SESTD1: variants seen among roughly 807,000 people sequenced by gnomAD.
The protein encoded by SESTD1 is SEC14 domain and spectrin repeat-containing protein 1.
In SESTD1, 43 loss-of-function variants were observed where a neutral mutation model predicts 101.7. The ratio of observed to expected loss-of-function variants is 0.42; its 90% confidence interval spans 0.33 to 0.55. SESTD1 has a LOEUF of 0.55. SESTD1 is among the 20% of genes least tolerant of loss of function. The probability of loss-of-function intolerance (pLI) is 0.07; values close to 1 mark genes in which losing one functional copy is unlikely to be tolerated. For synonymous variants in SESTD1, 283 were observed against 286.8 expected (o/e 0.99, Z 0.13); for missense variants, 647 against 815.1 (o/e 0.79, Z 2.51).
chr2:179,208,514 C>G (rs142210883), intron 1 of SESTD1, among the ~76,000 whole-genome samples: 1,635 of 135,258 alleles, frequency 0.012, 423 homozygotes, highest in African/African-American at 0.044. Flanking sequence ...ATCAGATTAA[C>G]AGCAGATTTC....
intron 4 of SESTD1, among the ~76,000 whole-genome samples, chr2:179,174,717 T>C (rs1178323132): frequency 3.9e-5 from 6 of 152,068 alleles, no homozygotes; most frequent in Non-Finnish European, 8.8e-5. Flanking sequence ...TCTCAGCGAT[T>C]TGGGAGGCTG....
chr2:179,130,713 A>G (rs1327098691), intron 10 of SESTD1, among the ~76,000 whole-genome samples: 2 of 152,084 alleles, frequency 1.3e-5, no homozygotes, highest in African/African-American at 2.4e-5. Context: ...GAATACTTTC[A>G]TAACTAAATC....
intron 3 of SESTD1, among the ~76,000 whole-genome samples, chr2:179,181,295 T>A (rs2046104602): frequency 6.6e-6 from 1 of 152,186 alleles, no homozygotes; most frequent in Non-Finnish European, 1.5e-5. Flanking sequence ...GAGCATCCTG[T>A]TGAACTGAAT....
intron 1 of SESTD1, among the ~76,000 whole-genome samples, chr2:179,208,012 TAGATA>T: frequency 7.5e-6 from 1 of 133,068 alleles, no homozygotes; most frequent in South Asian, 2.9e-4. Flanking sequence ...TCCAGAGAAA[TAGATA>T]TCATAAAGAA....
chr2:179,220,566 T>C (rs2046801227), intron 1 of SESTD1, among the ~76,000 whole-genome samples: 1 of 152,168 alleles, frequency 6.6e-6, no homozygotes. Flanking sequence ...ATCTAAGCCT[T>C]GTGTTGAGCT....
At chr2:179,170,951 A>G (rs2045920338) in intron 5 of SESTD1, among the ~76,000 whole-genome samples, 1 of 152,208 alleles carries the variant, frequency 6.6e-6, no homozygotes, top group African/African-American at 2.4e-5. Context: ...TATTCTTTAT[A>G]TAAAGCCAGT....
Position 179,211,852 on chromosome 2 carries a change from C to T in SESTD1, c.-25-19986G>A, listed in dbSNP as rs1311672517. 2.3e-5 allele frequency among the ~76,000 whole-genome samples: 3 copies of T among 129,026 alleles called. 1 individual carries two copies. The East Asian group carries it at 6.2e-4, about 27-fold the overall frequency. 84.6% of individuals were successfully genotyped at this position (129,026 alleles called of 152,430 possible). A position where few individuals can be genotyped will look rare whatever the true frequency, so the allele number is the denominator to read the frequency against. ...AATGATATAATGGACTCTGGGGACT[C>T]AGGGGGAAGGGTGGGAGGGGGATGA... On this transcript the variant is annotated intron_variant, in intron 1 of 17. Transcript: ENST00000428443.
rs1383268209 is a variant in SESTD1, at chr2:179,109,742, AG to A, written c.*156del. 4.9e-6 allele frequency: 4 copies of A among 817,246 alleles called. No homozygotes were observed. The Admixed American group carries it at 8.0e-5, about 16-fold the overall frequency. The allele number at this position is 817,246 out of a possible 1,614,324, so 50.6% of individuals were successfully genotyped here. A position where few individuals can be genotyped will look rare whatever the true frequency, so the allele number is the denominator to read the frequency against. ...GCATGTTAAGTAATTATGCCTTGGT[AG>A]TAGCAAGGTGTTAACATGTAAAGAG... is the stretch of plus-strand genomic sequence containing the variant. On this transcript the variant is annotated 3_prime_UTR_variant, in exon 18 of 18. Coordinates refer to ENST00000428443, the MANE Select transcript of SESTD1 (RefSeq NM_178123.5).
At chr2:179,259,908 C>T (rs1478258254) in intron 1 of SESTD1, among the ~76,000 whole-genome samples, 1 of 152,150 alleles carries the variant, frequency 6.6e-6, no homozygotes, top group Non-Finnish European at 1.5e-5. Context: ...AATGATTTTA[C>T]CTACCATCCT....
intron 5 of SESTD1, among the ~76,000 whole-genome samples, chr2:179,161,644 C>T (rs1302574254): frequency 6.8e-6 from 1 of 146,838 alleles, no homozygotes; most frequent in Non-Finnish European, 1.5e-5. Flanking sequence ...CCTGGCAACA[C>T]AGTGAGACTC....
chr2:179,140,116 G>A (rs1167322273), intron 9 of SESTD1, among the ~76,000 whole-genome samples: 1 of 152,076 alleles, frequency 6.6e-6, no homozygotes. Context: ...TCTCTCTTGT[G>A]TATTCAACCT....
intron 2 of SESTD1, among the ~76,000 whole-genome samples, chr2:179,185,851 C>A (rs2046219952): frequency 7.8e-6 from 1 of 128,154 alleles, no homozygotes; most frequent in Non-Finnish European, 1.6e-5. Flanking sequence ...ATAGCATGTA[C>A]AATATAGTAT....
At chr2:179,253,208 T>G (rs1009830131) in intron 1 of SESTD1, among the ~76,000 whole-genome samples, 1 of 152,150 alleles carries the variant, frequency 6.6e-6, no homozygotes, top group South Asian at 2.1e-4. Context: ...CCAGTACTTC[T>G]TAAAACTATC....
rs139920232 is a variant in SESTD1, at chr2:179,110,024, C to T, written c.1966G>A (p.Glu656Lys). 56 of 1,612,150 alleles carry T rather than the reference C, an allele frequency of 3.5e-5. 1 individual carries two copies. The highest frequency in any genetic ancestry group is 4.2e-5 in the Non-Finnish European group (50 of 1,179,070). Residue 656 changes from glutamate (E) to lysine (K), a missense_variant, in exon 18 of 18, where the codon GAA (glutamate) becomes AAA (lysine). Around this residue, in one of 3 missense-constraint regions of SESTD1, gnomAD observed 476 missense variants for 562.6 expected, o/e 0.85. Transcript: ENST00000428443. ...TVPVVYPDGT[E>K]QYFGSPSDMA... Reference sequence around the variant, plus strand: ...TCACTTGGACTCCCAAAATATTGTTCGGTTCTAAAAATCAAAACACACAGA... The same window carrying T: ...TCACTTGGACTCCCAAAATATTGTTTGGTTCTAAAAATCAAAACACACAGA...
intron 14 of SESTD1, among the ~76,000 whole-genome samples, chr2:179,117,062 T>C (rs1040549017): frequency 8.5e-5 from 13 of 152,366 alleles, no homozygotes; most frequent in African/African-American, 3.1e-4. Flanking sequence ...TATTTCTGTA[T>C]GTAGATCCAT....
At chr2:179,168,013 T>C (rs2045866163) in intron 5 of SESTD1, among the ~76,000 whole-genome samples, 1 of 152,198 alleles carries the variant, frequency 6.6e-6, no homozygotes, top group South Asian at 2.1e-4. Flanking sequence ...ATCCACTGCC[T>C]TGGCCTCCCA....
intron 1 of SESTD1, among the ~76,000 whole-genome samples, chr2:179,216,404 C>T (rs1268503683): frequency 7.4e-6 from 1 of 134,594 alleles, no homozygotes. Flanking sequence ...AATAAAATAC[C>T]TAGGAATCCA....
Position 179,199,983 on chromosome 2 carries a change from T to C in SESTD1, c.-25-8117A>G, listed in dbSNP as rs900749728. ...TCAATTAGGAAAAGGGGAAGTCAAA[T>C]TGTCCCTGTTTGCAGACGACATGAT... On this transcript the variant is annotated intron_variant, in intron 1 of 17. Transcript: ENST00000428443. 9.9e-5 allele frequency among the ~76,000 whole-genome samples: 15 copies of C among 152,238 alleles called. 1 individual carries two copies. In the East Asian group the frequency reaches 1.9e-3, roughly 20 times the overall value.
intron 10 of SESTD1, among the ~76,000 whole-genome samples, chr2:179,128,118 T>G (rs1047290048): frequency 6.6e-6 from 1 of 152,124 alleles, no homozygotes; most frequent in Non-Finnish European, 1.5e-5. Flanking sequence ...GTATCTGGAG[T>G]TGGCCCTGGA....
Sources: allele counts gnomAD v4.1 joint callset (sites outside exome capture counted in the v4.1 genomes callset), GRCh38; gene constraint gnomAD v4.1.1; regional missense constraint gnomAD v4.1.1; transcripts MANE v1.5; gene names NCBI Gene and HGNC (gene_info 2026-07-23, HGNC 2026-07-21).